SH3BGRL2: variants seen among roughly 807,000 people sequenced by gnomAD.
The protein encoded by SH3BGRL2 is SH3 domain-binding glutamic acid-rich-like protein 2.
SH3BGRL2 carries 21 observed loss-of-function variants against 14.8 expected under a neutral mutation model. The observed-to-expected ratio is 1.42, with a 90% confidence interval of 1.01 to 2.05. SH3BGRL2 has a LOEUF of 2.05. Among genes scored for constraint, SH3BGRL2 ranks in the 30% most tolerant of loss-of-function variants. The pLI is 0.00. For missense variants in SH3BGRL2, 147 were observed against 130.8 expected (o/e 1.12, Z -0.61); for synonymous variants, 50 against 47.8 (o/e 1.05, Z -0.19).
intron 2 of SH3BGRL2, among the ~76,000 whole-genome samples, chr6:79,682,081 AC>A (rs1419116264): frequency 6.6e-6 from 1 of 152,206 alleles, no homozygotes; most frequent in Admixed American, 6.6e-5. Flanking sequence ...CTACGGTCTG[AC>A]AAAAAGTTAC....
At chr6:79,668,607 G>C (rs1031760340) in intron 1 of SH3BGRL2, among the ~76,000 whole-genome samples, 1 of 152,080 alleles carries the variant, frequency 6.6e-6, no homozygotes, top group African/African-American at 2.4e-5. Flanking sequence ...TAGTGGGGGG[G>C]AGTGGTTGAG....
intron 2 of SH3BGRL2, among the ~76,000 whole-genome samples, chr6:79,694,248 A>T (rs1770285409): frequency 6.6e-6 from 1 of 152,250 alleles, no homozygotes; most frequent in Admixed American, 6.5e-5. Flanking sequence ...AGTTACATAC[A>T]GTTGATATCT....
chr6:79,566,562 C>T, the SH3BGRL2 span, among the ~76,000 whole-genome samples: 4 of 152,056 alleles, frequency 2.6e-5, no homozygotes, highest in Non-Finnish European at 5.9e-5. Context: ...GGAATTTTAT[C>T]GTTTGTCAGT....
At chr6:79,581,498 T>C in the SH3BGRL2 span, among the ~76,000 whole-genome samples, 16,220 of 152,178 alleles carry the variant, frequency 0.11, 972 homozygotes, top group Non-Finnish European at 0.13. Context: ...CGCAAATCAA[T>C]AAACGTAATC....
At chr6:79,592,799 C>T in the SH3BGRL2 span, among the ~76,000 whole-genome samples, 1 of 152,058 alleles carries the variant, frequency 6.6e-6, no homozygotes, top group African/African-American at 2.4e-5. Context: ...TGAGGTAGGT[C>T]CTATTATTAT....
intron 2 of SH3BGRL2, among the ~76,000 whole-genome samples, chr6:79,678,297 G>A (rs201046246): frequency 6.6e-6 from 1 of 151,904 alleles, no homozygotes; most frequent in Non-Finnish European, 1.5e-5. Context: ...ACTCCCCTTT[G>A]CCCCCTTCCT....
At position 79,646,526 on chromosome 6, in the gene SH3BGRL2, G is replaced by T. The variant is rs1035167256; in HGVS notation, c.45+15020G>T. ...TGGGCTTCAGGTTTTTTGTTGTGTT[G>T]TTGCTGTTGTTTCATAATTGAGATA... On this transcript the variant is annotated intron_variant, in intron 1 of 3. Coordinates refer to ENST00000369838, the MANE Select transcript of SH3BGRL2 (RefSeq NM_031469.4). Among the ~76,000 whole-genome samples the T allele has an allele frequency of 5.4e-4, 82 of 152,132 alleles. 1 individual carries two copies. Among genetic ancestry groups the T allele is most frequent in the Non-Finnish European group, 4.9e-4 (33 of 68,012 alleles).
At chr6:79,559,436 C>G in the SH3BGRL2 span, among the ~76,000 whole-genome samples, 1 of 152,036 alleles carries the variant, frequency 6.6e-6, no homozygotes, top group Non-Finnish European at 1.5e-5. Context: ...TAACCCAAAT[C>G]TAATAATGAG....
chr6:79,570,058 T>C, the SH3BGRL2 span, among the ~76,000 whole-genome samples: 3 of 152,214 alleles, frequency 2.0e-5, no homozygotes, highest in African/African-American at 7.2e-5. Flanking sequence ...GGTTTTCATG[T>C]CTACAATTTT....
At chr6:79,615,849 T>A in the SH3BGRL2 span, among the ~76,000 whole-genome samples, 7 of 145,010 alleles carry the variant, frequency 4.8e-5, no homozygotes, top group East Asian at 6.8e-4. Context: ...TTTTTTTTTT[T>A]AGACAAGAGT....
chr6:79,564,264 T>TA, the SH3BGRL2 span, among the ~76,000 whole-genome samples: 1 of 151,662 alleles, frequency 6.6e-6, no homozygotes, highest in Admixed American at 6.6e-5. Context: ...TGTAATAAAA[T>TA]AAATCAGCTG....
chr6:79,631,422 GC>G lies in SH3BGRL2; in HGVS notation c.-37del. 6.7e-7 allele frequency: 1 copy of G among 1,502,032 alleles called. No homozygotes were observed. The allele number at this position is 1,502,032 out of a possible 1,614,324, so 93.0% of individuals were successfully genotyped here. A position where few individuals can be genotyped will look rare whatever the true frequency, so the allele number is the denominator to read the frequency against. On this transcript the variant is annotated 5_prime_UTR_variant, in exon 1 of 4. Coordinates refer to ENST00000369838, the MANE Select transcript of SH3BGRL2 (RefSeq NM_031469.4). ...AGCTCTGCGTCCACGCCAGCCCGGA[GC>G]CCGGGGGGCAAGGGGTCTGTCCCGG...
chr6:79,614,366 C>G, the SH3BGRL2 span, among the ~76,000 whole-genome samples: 1 of 152,048 alleles, frequency 6.6e-6, no homozygotes, highest in Non-Finnish European at 1.5e-5. Context: ...AGGCAGAGGC[C>G]TGGGGGACAC....
At chr6:79,601,051 A>G in the SH3BGRL2 span, among the ~76,000 whole-genome samples, 1 of 152,316 alleles carries the variant, frequency 6.6e-6, no homozygotes, top group East Asian at 1.9e-4. Flanking sequence ...GAAGGATTTC[A>G]TGTCCTGAAT....
At chr6:79,574,317 G>T in the SH3BGRL2 span, 1 of 152,172 alleles carries the variant, frequency 6.6e-6, no homozygotes, top group Non-Finnish European at 1.5e-5. Context: ...ATGGAATGAG[G>T]TTTGTTTGCA....
intron 2 of SH3BGRL2, among the ~76,000 whole-genome samples, chr6:79,684,521 G>A (rs774274166): frequency 6.6e-6 from 1 of 151,986 alleles, no homozygotes; most frequent in Non-Finnish European, 1.5e-5. Flanking sequence ...TATATGAATG[G>A]GTAAATGGTG....
the SH3BGRL2 span, among the ~76,000 whole-genome samples, chr6:79,594,125 A>G: frequency 6.6e-6 from 1 of 152,102 alleles, no homozygotes; most frequent in Non-Finnish European, 1.5e-5. Context: ...GCTTGACTAT[A>G]TTAACAGAAA....
At position 79,641,150 on chromosome 6, in the gene SH3BGRL2, T is replaced by TTGTGTGTGTG. The variant is rs373404859; in HGVS notation, c.45+9681_45+9690dup. Reference sequence around the variant, plus strand: ...AAAGCTCAGTGGTTCTCTCACCCTTTTGTGTGTGTGTGTGTGTGTGTGTGT... The same window carrying TTGTGTGTGTG: ...AAAGCTCAGTGGTTCTCTCACCCTTTTGTGTGTGTGTGTGTGTGTGTGTGTGTGTGTGTGT... On this transcript the variant is annotated intron_variant, in intron 1 of 3. Transcript: ENST00000369838. Among the ~76,000 whole-genome samples the TTGTGTGTGTG allele has an allele frequency of 2.4e-3, 341 of 141,398 alleles. 1 individual carries two copies. Among genetic ancestry groups the TTGTGTGTGTG allele is most frequent in the Admixed American group, 4.3e-3 (60 of 13,978 alleles). The allele number at this position is 141,398 out of a possible 152,430, so 92.8% of individuals were successfully genotyped here. A position where few individuals can be genotyped will look rare whatever the true frequency, so the allele number is the denominator to read the frequency against.
At chr6:79,625,781 C>T in the SH3BGRL2 span, among the ~76,000 whole-genome samples, 1 of 152,296 alleles carries the variant, frequency 6.6e-6, no homozygotes, top group Middle Eastern at 3.4e-3. Context: ...TTGCAACAGC[C>T]AGGAAGATAA....
Sources: allele counts gnomAD v4.1 joint callset (sites outside exome capture counted in the v4.1 genomes callset), GRCh38; gene constraint gnomAD v4.1.1; transcripts MANE v1.5; gene names NCBI Gene and HGNC (gene_info 2026-07-23, HGNC 2026-07-21).